The following IFNLR1 variants were observed in gnomAD, a reference collection of about 807,000 sequenced individuals.
The protein encoded by IFNLR1 is CRF2-12.
Under a neutral mutation model 52.5 loss-of-function variants are expected in IFNLR1, and 28 were observed. The observed-to-expected ratio is 0.53, with a 90% CI of 0.40 to 0.73. IFNLR1 has a LOEUF of 0.73. Among genes scored for constraint, IFNLR1 ranks in the 30% least tolerant of loss-of-function variants. IFNLR1 has a pLI of 0.00. For synonymous variants in IFNLR1, 276 were observed against 274.9 expected (o/e 1.00, Z -0.04); for missense variants, 623 against 659.1 (o/e 0.95, Z 0.60).
chr1:24,162,831 TTTTCTTTC>T (rs71029518), intron 3 of IFNLR1, among the ~76,000 whole-genome samples: 1 of 33,858 alleles, frequency 3.0e-5, no homozygotes, highest in African/African-American at 1.2e-4. Flanking sequence ...TCTTTCTTTC[TTTTCTTTC>T]TTTCTTTCTT....
chr1:24,180,134 T>C (rs1165558506), intron 2 of IFNLR1, among the ~76,000 whole-genome samples: 1 of 151,822 alleles, frequency 6.6e-6, no homozygotes, highest in Non-Finnish European at 1.5e-5. Context: ...TCGTCTGTAT[T>C]AAAAATACAA....
In IFNLR1 at chr1:24,157,076, A is replaced by G; in HGVS notation, c.*54T>C. 1.3e-6 allele frequency: 2 copies of G among 1,550,586 alleles called. No individual in the cohort carries two copies. The highest frequency in any genetic ancestry group is 1.7e-6 in the Non-Finnish European group (2 of 1,149,118). ...TCTTGAGTTTCTTGGGAAGCCCAGT[A>G]GTCCTTGCAAAGGCAGCAGCAGCAT... On this transcript the variant is annotated 3_prime_UTR_variant, in exon 7 of 7. Transcript: ENST00000327535. The surrounding 1 kb of genome is among the most constrained non-coding windows in gnomAD (Gnocchi z 5.1).
At position 24,154,181 on chromosome 1, in the gene IFNLR1, A is replaced by G. The variant is rs890542833; in HGVS notation, c.*2949T>C. 6.6e-6 allele frequency: 1 copy of G among 152,360 alleles called. No homozygotes were observed. The highest frequency in any genetic ancestry group is 6.5e-5 in the Admixed American group (1 of 15,308). 9.4% of individuals were successfully genotyped at this position (152,360 alleles called of 1,614,324 possible). On this transcript the variant is annotated 3_prime_UTR_variant, in exon 7 of 7. Transcript: ENST00000327535. ...TTCAATTGTACCTTTTTTCTTTAAA[A>G]ATAGAGCTCTTTATTTAAACAGTTT...
intron 1 of IFNLR1, among the ~76,000 whole-genome samples, chr1:24,184,564 G>T (rs1644719865): frequency 6.6e-6 from 1 of 152,136 alleles, no homozygotes; most frequent in African/African-American, 2.4e-5. Context: ...ATGTTGCCAA[G>T]CCACTGCATT....
rs1396939926 is a variant in IFNLR1, at chr1:24,155,862, T to G, written c.*1268A>C. 1 of 152,188 alleles carries G rather than the reference T, an allele frequency of 6.6e-6. No individual in the cohort carries two copies. Among genetic ancestry groups the G allele is most frequent in the Non-Finnish European group, 1.5e-5 (1 of 68,044 alleles). 9.4% of individuals were successfully genotyped at this position (152,188 alleles called of 1,614,324 possible). Reference sequence around the variant, plus strand: ...AAAACTCAGCTACGCTCATCTATATTCAGGTGGGTGTAGGTTAACTGAGGA... The same window carrying G: ...AAAACTCAGCTACGCTCATCTATATGCAGGTGGGTGTAGGTTAACTGAGGA... On this transcript the variant is annotated 3_prime_UTR_variant, in exon 7 of 7. Transcript: ENST00000327535.
At chr1:24,159,292 A>T (rs2148585999) in intron 5 of IFNLR1, 110 bp from the exon 6 acceptor site, 1 of 1,403,304 alleles carries the variant, frequency 7.1e-7, no homozygotes, top group Admixed American at 1.9e-5. Flanking sequence ...ACAAGAATAA[A>T]CCCATCCTGC....
intron 6 of IFNLR1, among the ~76,000 whole-genome samples, chr1:24,158,378 G>T (rs913463323): frequency 6.6e-6 from 1 of 152,206 alleles, no homozygotes; most frequent in African/African-American, 2.4e-5. Flanking sequence ...ATGTCTACCC[G>T]AGGTTGTCAC....
chr1:24,161,445 G>T (rs1285596045), intron 4 of IFNLR1, 97 bp downstream of exon 4: 1 of 1,380,178 alleles, frequency 7.2e-7, no homozygotes. Context: ...ACTTCCTGGA[G>T]GAGGGGTGCA....
rs1644360222 is a variant in IFNLR1, at chr1:24,154,601, T to A, written c.*2529A>T. 6.6e-6 allele frequency: 1 copy of A among 152,140 alleles called. No individual in the cohort carries two copies. The highest frequency in any genetic ancestry group is 2.4e-5 in the African/African-American group (1 of 41,434). The allele number at this position is 152,140 out of a possible 1,614,324, so 9.4% of individuals were successfully genotyped here. On this transcript the variant is annotated 3_prime_UTR_variant, in exon 7 of 7. Transcript: ENST00000327535. ...GAAATTAAACTCTGGAAAAAATTCT[T>A]TAAAAAAATAGTAAGGTTTGGCTGG...
At chr1:24,162,776 CTTTTTCTTTCT>C (rs1557643916) in intron 3 of IFNLR1, among the ~76,000 whole-genome samples, 9 of 42,634 alleles carry the variant, frequency 2.1e-4, no homozygotes, top group Non-Finnish European at 3.6e-4. Flanking sequence ...TTCTTTCTTT[CTTTTTCTTTCT>C]TTTTCTTTCT....
intron 2 of IFNLR1, among the ~76,000 whole-genome samples, chr1:24,173,766 AGCCTCCT>A (rs1459472360): frequency 2.6e-5 from 4 of 151,984 alleles, no homozygotes; most frequent in Non-Finnish European, 4.4e-5. Flanking sequence ...CTCCCACCTC[AGCCTCCT>A]GAGATGGCAG....
At chr1:24,182,918 C>CAAATAAATAAAT (rs373444078) in intron 1 of IFNLR1, among the ~76,000 whole-genome samples, 13,071 of 149,922 alleles carry the variant, frequency 0.087, 709 homozygotes, top group East Asian at 0.21. Context: ...GACTCCATCT[C>CAAATAAATAAAT]AAATAAATAA....
chr1:24,157,097 A>G lies in IFNLR1; in HGVS notation c.*33T>C, dbSNP rs1162546051. ...CAGTAGTCCTTGCAAAGGCAGCAGC[A>G]GCATCAGATTCGGTGGGATGTCGGG... On this transcript the variant is annotated 3_prime_UTR_variant, in exon 7 of 7. Coordinates refer to ENST00000327535, the MANE Select transcript of IFNLR1 (RefSeq NM_170743.4). This position sits in a 1 kb window ranked among gnomAD's most constrained non-coding sequence, Gnocchi z 5.1. The G allele has an allele frequency of 6.4e-7, 1 of 1,572,638 alleles. No homozygotes were observed.
At chr1:24,184,438 G>A (rs1644718491) in intron 1 of IFNLR1, among the ~76,000 whole-genome samples, 1 of 152,090 alleles carries the variant, frequency 6.6e-6, no homozygotes, top group South Asian at 2.1e-4. Context: ...GTCCACATTT[G>A]TTATTGAGGT....
At chr1:24,159,737 G>GTTTTTGTTTTTTTGT in intron 4 of IFNLR1, 104 bp from the exon 5 acceptor site, 1 of 458,768 alleles carries the variant, frequency 2.2e-6, no homozygotes, top group South Asian at 3.1e-5. Context: ...TTTTTTTTTT[G>GTTTTTGTTTTTTTGT]TTTTTTTTTT....
At chr1:24,161,009 G>A (rs773128376) in intron 4 of IFNLR1, among the ~76,000 whole-genome samples, 1 of 151,922 alleles carries the variant, frequency 6.6e-6, no homozygotes, top group Non-Finnish European at 1.5e-5. Context: ...TTACAGGCAT[G>A]AGCCACCGCA....
At chr1:24,162,819 C>CTTTCTT (rs1365693722) in intron 3 of IFNLR1, among the ~76,000 whole-genome samples, 2 of 43,944 alleles carry the variant, frequency 4.6e-5, no homozygotes, top group African/African-American at 1.6e-4. Context: ...TTCTTTTTTT[C>CTTTCTT]TTCTTTCTTT....
intron 5 of IFNLR1, 49 bp downstream of exon 5, chr1:24,159,425 C>T (rs1251548699): frequency 6.4e-7 from 1 of 1,569,062 alleles, no homozygotes; most frequent in Admixed American, 1.7e-5. Context: ...TCACGAAGCT[C>T]CCAAGGCCCA....
In IFNLR1 at chr1:24,166,668, T is replaced by C. The variant is rs557697295; in HGVS notation, c.367+2749A>G. The stretch of plus-strand genomic sequence containing the variant: ...CTCAAGTCATCCTCCTACCTTGGCC[T>C]CCCAGATAGCTGGGACCACAGGTGC... On this transcript the variant is annotated intron_variant, in intron 3 of 6. Coordinates refer to ENST00000327535, the MANE Select transcript of IFNLR1 (RefSeq NM_170743.4). Among the ~76,000 whole-genome samples the C allele has an allele frequency of 4.6e-5, 7 of 152,182 alleles. 1 individual carries two copies. The East Asian group carries it at 1.4e-3, about 29-fold the overall frequency.
Sources: allele counts gnomAD v4.1 joint callset (sites outside exome capture counted in the v4.1 genomes callset), GRCh38; gene constraint gnomAD v4.1.1; non-coding constraint Gnocchi (gnomAD v3.1); transcripts MANE v1.5; gene names NCBI Gene and HGNC (gene_info 2026-07-23, HGNC 2026-07-21).